NEDD9: variants seen among roughly 807,000 people sequenced by gnomAD.
The protein encoded by NEDD9 is neural precursor cell expressed, developmentally down-regulated 9, also known as enhancer of filamentation 1.
NEDD9 carries 26 observed loss-of-function variants against 76.6 expected under a neutral mutation model. That is an observed-to-expected ratio of 0.34 (90% confidence interval 0.25 to 0.47). NEDD9 has a LOEUF of 0.47. Ranked by LOEUF, NEDD9 falls within the 20% of genes least tolerant of loss-of-function variation. The pLI, the probability that NEDD9 is intolerant of heterozygous loss-of-function variation, is 1.00. For synonymous variants in NEDD9, 392 were observed against 414.2 expected (o/e 0.95, Z 0.65); for missense variants, 937 against 1,058.5 (o/e 0.89, Z 1.59).
intron 3 of NEDD9, among the ~76,000 whole-genome samples, chr6:11,270,578 C>A (rs1449501470): frequency 6.6e-6 from 1 of 152,184 alleles, no homozygotes; most frequent in African/African-American, 2.4e-5. Context: ...AAGCAAAGAA[C>A]CTCTTGGACC....
At chr6:11,251,492 C>T (rs1382168902) in intron 3 of NEDD9, 1 of 152,188 alleles carries the variant, frequency 6.6e-6, no homozygotes, top group Non-Finnish European at 1.5e-5. Flanking sequence ...TTTCTCTCTC[C>T]TCTCTAAGGT....
At position 11,183,813 on chromosome 6, in the gene NEDD9, G is replaced by A. The variant is rs981003482; in HGVS notation, c.*1349C>T. ...AATAAAAATGCTAAATAAGAACTGG[G>A]CCAAAAGATCATAGATAATGTGCTT... On this transcript the variant is annotated 3_prime_UTR_variant, in exon 7 of 7. Transcript: ENST00000379446. The A allele has an allele frequency of 6.6e-6, 1 of 152,178 alleles. No homozygotes were observed. The highest frequency in any genetic ancestry group is 1.5e-5 in the Non-Finnish European group (1 of 68,024). The allele number at this position is 152,178 out of a possible 1,614,324, so 9.4% of individuals were successfully genotyped here.
chr6:11,322,742 G>A lies in NEDD9; in HGVS notation c.-153+11759C>T, dbSNP rs748661223. On this transcript the variant is annotated intron_variant, in intron 2 of 3. Transcript: ENST00000397378. Reference sequence around the variant, plus strand: ...ACCGGAATGACGTGTTTCATCAGATGTTTCAAATCCCGATTCTTGGGGCCT... The same window carrying A: ...ACCGGAATGACGTGTTTCATCAGATATTTCAAATCCCGATTCTTGGGGCCT... 1.1e-4 allele frequency among the ~76,000 whole-genome samples: 17 copies of A among 152,354 alleles called. 1 individual carries two copies. Among genetic ancestry groups the A allele is most frequent in the Middle Eastern group, 3.4e-3 (1 of 294 alleles).
At chr6:11,303,225 GACAA>G (rs1450620185) in intron 3 of NEDD9, among the ~76,000 whole-genome samples, 1 of 152,188 alleles carries the variant, frequency 6.6e-6, no homozygotes, top group Non-Finnish European at 1.5e-5. Context: ...ACCAATAATA[GACAA>G]ACAGAGAGCC....
Position 11,188,219 on chromosome 6 carries a change from T to C in NEDD9, c.1994A>G (p.Gln665Arg), listed in dbSNP as rs531259333. Residue 665 changes from glutamine (Q) to arginine (R), a missense_variant and splice_region_variant, in exon 6 of 7, where the codon CAG becomes CGG. Coordinates refer to ENST00000379446, the MANE Select transcript of NEDD9 (RefSeq NM_006403.4). ...AGTTTTTGCTCTGATTGAACTTACC[T>C]GATGATGTTCCAGCTGCATCTTGTT... is the stretch of plus-strand genomic sequence containing the variant. ...KQNKMQLEHH[Q>R]LSQFQLLEQE... 1.2e-6 allele frequency: 2 copies of C among 1,613,808 alleles called. No homozygotes were observed. The highest frequency in any genetic ancestry group is 1.3e-5 in the African/African-American group (1 of 75,056).
At chr6:11,373,996 T>G (rs941988495) in intron 1 of NEDD9, among the ~76,000 whole-genome samples, 4 of 152,128 alleles carry the variant, frequency 2.6e-5, no homozygotes, top group African/African-American at 9.7e-5. Context: ...CTTGCTGATT[T>G]TGGACTTGCC....
At chr6:11,234,720 T>A (rs1449441962), upstream of NEDD9, among the ~76,000 whole-genome samples, 1 of 151,462 alleles carries the variant, frequency 6.6e-6, no homozygotes, top group Non-Finnish European at 1.5e-5. Flanking sequence ...TAATTTTTTT[T>A]TTTTTTTTTT....
chr6:11,229,050 G>A lies in NEDD9; in HGVS notation c.12+3454C>T, dbSNP rs370263852. 1.2e-4 allele frequency among the ~76,000 whole-genome samples: 18 copies of A among 152,236 alleles called. 1 individual carries two copies. Among genetic ancestry groups the A allele is most frequent in the African/African-American group, 3.4e-4 (14 of 41,552 alleles). On this transcript the variant is annotated intron_variant, in intron 1 of 6. Transcript: ENST00000379446. The stretch of plus-strand genomic sequence containing the variant: ...AAGATCCTCTGTCATTATTTTCCTC[G>A]GTCTTGCTTGAGGAAATACGAATAC...
intron 1 of NEDD9, among the ~76,000 whole-genome samples, chr6:11,371,998 A>G (rs1031998430): frequency 6.6e-6 from 1 of 152,126 alleles, no homozygotes; most frequent in Non-Finnish European, 1.5e-5. Context: ...CAATTACAAT[A>G]TTTTAGTTAT....
intron 2 of NEDD9, among the ~76,000 whole-genome samples, chr6:11,333,654 C>G (rs1762093508): frequency 6.6e-6 from 1 of 152,230 alleles, no homozygotes; most frequent in Admixed American, 6.5e-5. Context: ...GCTGTCTCTA[C>G]TTGCTCCTCT....
chr6:11,355,120 G>A (rs181227099), intron 1 of NEDD9, among the ~76,000 whole-genome samples: 3 of 152,280 alleles, frequency 2.0e-5, no homozygotes. Context: ...ACAAATATAT[G>A]GAAGCCAAAG....
chr6:11,326,138 C>T (rs1761922191), intron 2 of NEDD9, among the ~76,000 whole-genome samples: 1 of 147,232 alleles, frequency 6.8e-6, no homozygotes, highest in South Asian at 2.1e-4. Context: ...AGAGCAAAAA[C>T]CTCATCTCAA....
chr6:11,335,010 A>G (rs929990888), intron 1 of NEDD9, among the ~76,000 whole-genome samples: 1 of 152,230 alleles, frequency 6.6e-6, no homozygotes, highest in African/African-American at 2.4e-5. Context: ...TCTTACAACT[A>G]CACGAGAAGT....
chr6:11,193,931 C>G (rs1444389457), intron 2 of NEDD9, among the ~76,000 whole-genome samples: 3 of 151,550 alleles, frequency 2.0e-5, no homozygotes, highest in Non-Finnish European at 2.9e-5. Context: ...ACAATCTCAG[C>G]TTACAGCAAC....
At chr6:11,381,742 T>G (rs897789737) in intron 1 of NEDD9, among the ~76,000 whole-genome samples, 29 of 152,178 alleles carry the variant, frequency 1.9e-4, no homozygotes, top group African/African-American at 6.5e-4. Flanking sequence ...TAAATGATTC[T>G]AATCCACCAT....
intron 2 of NEDD9, among the ~76,000 whole-genome samples, chr6:11,327,137 A>C (rs1347654412): frequency 1.3e-5 from 2 of 152,202 alleles, no homozygotes; most frequent in South Asian, 4.1e-4. Flanking sequence ...CCATAGTTCT[A>C]GGGCATTAAT....
At chr6:11,296,257 T>C (rs1417597508) in intron 3 of NEDD9, among the ~76,000 whole-genome samples, 1 of 152,164 alleles carries the variant, frequency 6.6e-6, no homozygotes, top group Non-Finnish European at 1.5e-5. Context: ...TACCTTGTCA[T>C]GGCAGCCCAA....
At chr6:11,368,529 C>T (rs987442610) in intron 1 of NEDD9, among the ~76,000 whole-genome samples, 2 of 152,198 alleles carry the variant, frequency 1.3e-5, no homozygotes, top group African/African-American at 4.8e-5. Context: ...GGAGCTACAC[C>T]ACCACGTAGC....
chr6:11,373,049 A>G lies in NEDD9; in HGVS notation c.-214+9090T>C, dbSNP rs570293632. On this transcript the variant is annotated intron_variant, in intron 1 of 3. Coordinates refer to the NEDD9 transcript ENST00000397378. ...TGAGTAAACCAGTTACTTAAAGCTA[A>G]CAAAGAAACAGACATCATCAAGCAG... Among the ~76,000 whole-genome samples the G allele has an allele frequency of 9.8e-5, 15 of 152,332 alleles. No homozygotes were observed. The South Asian group carries it at 2.7e-3, about 27-fold the overall frequency.
Sources: allele counts gnomAD v4.1 joint callset (sites outside exome capture counted in the v4.1 genomes callset), GRCh38; gene constraint gnomAD v4.1.1; transcripts MANE v1.5; gene names NCBI Gene and HGNC (gene_info 2026-07-23, HGNC 2026-07-21).